The following MLLT1 variants were observed in gnomAD, a reference collection of about 807,000 sequenced individuals.
The protein encoded by MLLT1 is protein ENL.
MLLT1 carries 11 observed loss-of-function variants against 55.1 expected under a neutral mutation model. That is an observed-to-expected ratio of 0.20 (90% CI 0.13 to 0.33). The LOEUF (loss-of-function observed/expected upper bound fraction) is 0.33, where lower values mean the gene tolerates loss of function less well. MLLT1 is among the 10% of genes least tolerant of loss of function. The probability of loss-of-function intolerance (pLI) is 1.00; values close to 1 mark genes in which losing one functional copy is unlikely to be tolerated. For synonymous variants in MLLT1, 323 were observed against 320.1 expected (o/e 1.01, Z -0.10); for missense variants, 536 against 760.6 (o/e 0.70, Z 3.47).
Position 6,256,254 on chromosome 19 carries a change from T to TAAAA in MLLT1, c.276+5970_276+5973dup, listed in dbSNP as rs1555709254. On this transcript the variant is annotated intron_variant, in intron 3 of 11. Coordinates refer to ENST00000252674, the MANE Select transcript of MLLT1 (RefSeq NM_005934.4). This position sits in a 1 kb window ranked among gnomAD's most constrained non-coding sequence, Gnocchi z 4.1. The stretch of plus-strand genomic sequence containing the variant: ...ATAAATAAATAAATAAATAAATAAA[T>TAAAA]AAAAAGACCAGCCTGGGCAACACAA... 0.03 allele frequency among the ~76,000 whole-genome samples: 4,386 copies of TAAAA among 148,174 alleles called. 226 individuals are homozygous for TAAAA. The highest frequency in any genetic ancestry group is 0.1 in the African/African-American group (4,148 of 39,896).
In MLLT1 at chr19:6,233,680, T is replaced by C. The variant is rs113815826; in HGVS notation, c.277-2967A>G. Among the ~76,000 whole-genome samples, 408 of 152,342 alleles carry C rather than the reference T, an allele frequency of 2.7e-3. 2 individuals are homozygous for C. Among genetic ancestry groups the C allele is most frequent in the African/African-American group, 9.4e-3 (389 of 41,592 alleles). On this transcript the variant is annotated intron_variant, in intron 3 of 11. Transcript: ENST00000252674. ...GGGGGCGGCTTCCACCACAGGACTA[T>C]GTGGAGGGATGCCAGGCCCTGGCGC...
Position 6,212,929 on chromosome 19 carries a change from G to C in MLLT1, c.*113C>G. 2 of 1,360,764 alleles carry C rather than the reference G, an allele frequency of 1.5e-6. No homozygotes were observed. Among genetic ancestry groups the C allele is most frequent in the Non-Finnish European group, 2.0e-6 (2 of 994,420 alleles). 84.3% of individuals were successfully genotyped at this position (1,360,764 alleles called of 1,614,324 possible). ...GCAGCGGGCTGTGCGGGCGAGGACAGGGCTGTCGCTAAGGCAGTGCTGCGG... is the reference window on the plus strand; with the variant it reads ...GCAGCGGGCTGTGCGGGCGAGGACACGGCTGTCGCTAAGGCAGTGCTGCGG... On this transcript the variant is annotated 3_prime_UTR_variant, in exon 12 of 12. Transcript: ENST00000252674.
Position 6,212,529 on chromosome 19 carries a change from G to T in MLLT1, c.*513C>A. 9.3e-7 allele frequency: 1 copy of T among 1,079,800 alleles called. No homozygotes were observed. The highest frequency in any genetic ancestry group is 4.4e-5 in the South Asian group (1 of 22,890). The allele number at this position is 1,079,800 out of a possible 1,614,324, so 66.9% of individuals were successfully genotyped here. A position where few individuals can be genotyped will look rare whatever the true frequency, so the allele number is the denominator to read the frequency against. On this transcript the variant is annotated 3_prime_UTR_variant, in exon 12 of 12. Transcript: ENST00000252674. ...TATACAGCACAGACCCCAGCGCAGC[G>T]CGAGCCGGGGAGGAGCCGGCGCTAG...
rs942157789 is a variant in MLLT1 at position 6,212,252 on chromosome 19, A to AC, written c.*789dup. 94 of 1,063,330 alleles carry AC rather than the reference A, an allele frequency of 8.8e-5. No individual in the cohort carries two copies. Among genetic ancestry groups the AC allele is most frequent in the Middle Eastern group, 4.1e-4 (1 of 2,424 alleles). 65.9% of individuals were successfully genotyped at this position (1,063,330 alleles called of 1,614,324 possible). On this transcript the variant is annotated 3_prime_UTR_variant, in exon 12 of 12. Coordinates refer to ENST00000252674, the MANE Select transcript of MLLT1 (RefSeq NM_005934.4). Reference sequence around the variant, plus strand: ...TCGCTGCCCTTTGTAGTGTTGGCTGACCCCCCCGGGAGCCCCGGTAGGAGG... The same window carrying AC: ...TCGCTGCCCTTTGTAGTGTTGGCTGACCCCCCCCGGGAGCCCCGGTAGGAGG...
chr19:6,212,459 C>A lies in MLLT1; in HGVS notation c.*583G>T, dbSNP rs2090786122. 8.4e-6 allele frequency: 9 copies of A among 1,066,374 alleles called. No homozygotes were observed. The highest frequency in any genetic ancestry group is 1.0e-5 in the Non-Finnish European group (9 of 879,978). 66.1% of individuals were successfully genotyped at this position (1,066,374 alleles called of 1,614,324 possible). ...GCTGCCACAGAAACGCACATGGACA[C>A]TGCTCTTGACCAGACAGTGCACACA... On this transcript the variant is annotated 3_prime_UTR_variant, in exon 12 of 12. Transcript: ENST00000252674.
intron 3 of MLLT1, among the ~76,000 whole-genome samples, chr19:6,261,586 G>A (rs1348006785): frequency 6.6e-6 from 1 of 151,482 alleles, no homozygotes; most frequent in African/African-American, 2.4e-5. Flanking sequence ...TGGCCCTGTG[G>A]TGACACCTGG....
At chr19:6,253,142 G>A (rs1313924875) in intron 3 of MLLT1, among the ~76,000 whole-genome samples, 5 of 151,336 alleles carry the variant, frequency 3.3e-5, no homozygotes, top group African/African-American at 4.9e-5. Flanking sequence ...GGGCACACCC[G>A]TAGTCCCAGC....
rs779402834 is a variant in MLLT1 at position 6,222,553 on chromosome 19, G to A, written c.678C>T (p.Ser226=). ...KELEREQAKS[S]KDTSRKLGEG... ...CGCCCAGCTTCCGCGAGGTGTCCTT[G>A]GAGCTTTTGGCCTGCTCACGCTCCA... Residue 226 remains serine (S), a synonymous_variant, in exon 6 of 12, where the codon TCC becomes TCT. Transcript: ENST00000252674. This position sits in a 1 kb window ranked among gnomAD's most constrained non-coding sequence, Gnocchi z 4.1. The A allele has an allele frequency of 3.7e-6, 6 of 1,601,092 alleles. No homozygotes were observed. The South Asian group carries it at 4.4e-5, about 12-fold the overall frequency.
rs957724220 is a variant in MLLT1, at chr19:6,219,944, G to C, written c.1111-1903C>G. ...AATCCGGAAATGGTCTCAGCCAGAA[G>C]AGCCCTAAGGTGGTGTGATCAGAAG... On this transcript the variant is annotated intron_variant, in intron 6 of 11. Transcript: ENST00000252674. This position sits in a 1 kb window ranked among gnomAD's most constrained non-coding sequence, Gnocchi z 4.5. 1.3e-5 allele frequency among the ~76,000 whole-genome samples: 2 copies of C among 152,244 alleles called. No individual in the cohort carries two copies. The highest frequency in any genetic ancestry group is 1.3e-4 in the Admixed American group (2 of 15,292).
intron 3 of MLLT1, among the ~76,000 whole-genome samples, chr19:6,243,167 C>T (rs1390129165): frequency 6.6e-6 from 1 of 152,196 alleles, no homozygotes; most frequent in Non-Finnish European, 1.5e-5. Context: ...GCGGGGTCAC[C>T]AAGCGGTAAA....
chr19:6,228,739 G>A lies in MLLT1; in HGVS notation c.421-1637C>T, dbSNP rs577469225. 4.6e-5 allele frequency among the ~76,000 whole-genome samples: 7 copies of A among 152,234 alleles called. No individual in the cohort carries two copies. The East Asian group carries it at 9.7e-4, about 21-fold the overall frequency. On this transcript the variant is annotated intron_variant, in intron 4 of 11. Coordinates refer to ENST00000252674, the MANE Select transcript of MLLT1 (RefSeq NM_005934.4). ...AGCCCCGAGAGGAGCCCCTGCCACC[G>A]AGGCCTCCGGCTGCTCCTAAGGCTG...
chr19:6,220,005 C>T (rs539533564), intron 6 of MLLT1, among the ~76,000 whole-genome samples: 1 of 152,368 alleles, frequency 6.6e-6, no homozygotes, highest in African/African-American at 2.4e-5. Context: ...AGAGGGAGGG[C>T]GGAGCAGACT....
chr19:6,275,853 C>G (rs1303396890), intron 1 of MLLT1, among the ~76,000 whole-genome samples: 1 of 152,246 alleles, frequency 6.6e-6, no homozygotes, highest in Non-Finnish European at 1.5e-5. Flanking sequence ...GACTCTCTGA[C>G]CACATTGTCA....
At position 6,212,228 on chromosome 19, in the gene MLLT1, C is replaced by G; in HGVS notation, c.*814G>C. On this transcript the variant is annotated 3_prime_UTR_variant, in exon 12 of 12. Coordinates refer to ENST00000252674, the MANE Select transcript of MLLT1 (RefSeq NM_005934.4). The stretch of plus-strand genomic sequence containing the variant: ...GTGGCTCCCGGGCGCCCTGAGGACT[C>G]GCTGCCCTTTGTAGTGTTGGCTGAC... The G allele has an allele frequency of 9.4e-7, 1 of 1,066,020 alleles. No homozygotes were observed. The highest frequency in any genetic ancestry group is 1.1e-6 in the Non-Finnish European group (1 of 879,464). 66.0% of individuals were successfully genotyped at this position (1,066,020 alleles called of 1,614,324 possible). A position where few individuals can be genotyped will look rare whatever the true frequency, so the allele number is the denominator to read the frequency against.
chr19:6,225,645 G>A (rs563450282), intron 5 of MLLT1, among the ~76,000 whole-genome samples: 10 of 152,292 alleles, frequency 6.6e-5, no homozygotes, highest in African/African-American at 1.9e-4. Context: ...CTCCAGGGAC[G>A]GAGAGGGTGG....
At chr19:6,223,565 G>A (rs940490461) in intron 5 of MLLT1, among the ~76,000 whole-genome samples, 4 of 152,200 alleles carry the variant, frequency 2.6e-5, no homozygotes, top group Non-Finnish European at 5.9e-5. Flanking sequence ...CTGCTTCCTC[G>A]AGGAAGGGCA....
chr19:6,214,475 G>C (rs1384666055), intron 8 of MLLT1, among the ~76,000 whole-genome samples: 1 of 152,166 alleles, frequency 6.6e-6, no homozygotes, highest in Non-Finnish European at 1.5e-5. Flanking sequence ...GCCTGACCCT[G>C]GTTTGCTCTG....
intron 3 of MLLT1, among the ~76,000 whole-genome samples, chr19:6,239,341 C>T (rs191723925): frequency 3.7e-4 from 57 of 152,342 alleles, no homozygotes; most frequent in Middle Eastern, 3.4e-3. Flanking sequence ...AACCAACGTA[C>T]GAGGGGTCAC....
chr19:6,214,909 G>T (rs1004323500), intron 8 of MLLT1, among the ~76,000 whole-genome samples: 1 of 151,126 alleles, frequency 6.6e-6, no homozygotes, highest in Non-Finnish European at 1.5e-5. Context: ...CCCGGCGCAG[G>T]CTCCGTTCAT....
Sources: gnomAD v4.1 joint callset for allele counts (sites outside exome capture counted in the v4.1 genomes callset) on GRCh38, gnomAD v4.1.1 for gene constraint, Gnocchi (gnomAD v3.1) non-coding constraint, MANE v1.5 for transcripts, NCBI Gene and HGNC (gene_info 2026-07-23, HGNC 2026-07-21) for gene names.